Variants in CC2D2B observed in about 807,000 individuals in gnomAD.
The protein encoded by CC2D2B is protein CC2D2B.
Under a neutral mutation model 161.2 loss-of-function variants are expected in CC2D2B, and 128 were observed. That is an observed-to-expected ratio of 0.79 (90% CI 0.69 to 0.92). The LOEUF (loss-of-function observed/expected upper bound fraction) is 0.92. Among genes scored for constraint, CC2D2B ranks in the 40% least tolerant of loss-of-function variants. CC2D2B has a pLI of 0.00. For synonymous variants in CC2D2B, 391 were observed against 449.8 expected (o/e 0.87, Z 1.65); for missense variants, 1,173 against 1,375.1 (o/e 0.85, Z 2.32).
At position 96,024,856 on chromosome 10, in the gene CC2D2B, G is replaced by T; in HGVS notation, c.3892G>T (p.Glu1298Ter). 1 of 1,506,056 alleles carries T rather than the reference G, an allele frequency of 6.6e-7. No homozygotes were observed. The highest frequency in any genetic ancestry group is 1.2e-5 in the South Asian group (1 of 82,988). 93.3% of individuals were successfully genotyped at this position (1,506,056 alleles called of 1,614,324 possible). A position where few individuals can be genotyped will look rare whatever the true frequency, so the allele number is the denominator to read the frequency against. The change falls in exon 33 of 35, where the codon GAA becomes TAA. Residue 1298 changes from glutamate to a stop codon, truncating the protein, a stop_gained. Transcript: ENST00000646931. LOFTEE classifies it high-confidence loss of function. ...QGTKIQSIQPEEIIYFETDKS... is the reference protein window; with the variant it reads ...QGTKIQSIQP The stretch of plus-strand genomic sequence containing the variant: ...TAACTTTGGTTGTCTATTTCAGCCT[G>T]AAGAAATAATTTATTTTGAAACTGA...
At chr10:95,999,035 C>G (rs180802213) in intron 24 of CC2D2B, among the ~76,000 whole-genome samples, 11 of 151,980 alleles carry the variant, frequency 7.2e-5, no homozygotes, top group African/African-American at 2.4e-4. Flanking sequence ...GAACAGAGAT[C>G]GCGCCACTGC....
chr10:95,998,457 T>G (rs1046818346), intron 24 of CC2D2B, among the ~76,000 whole-genome samples: 3 of 152,174 alleles, frequency 2.0e-5, no homozygotes, highest in Non-Finnish European at 4.4e-5. Context: ...CAACCACTGA[T>G]CTTTTTACTG....
At chr10:95,962,761 T>G (rs1423303832) in intron 12 of CC2D2B, among the ~76,000 whole-genome samples, 1 of 142,268 alleles carries the variant, frequency 7.0e-6, no homozygotes, top group Non-Finnish European at 1.5e-5. Flanking sequence ...CTTGCTGCAG[T>G]AGTTTTTTTT....
rs2077159004 is a variant in CC2D2B at position 95,972,177 on chromosome 10, G to A, written c.1756G>A (p.Asp586Asn). The change falls in exon 16 of 35, where the codon GAT becomes AAT. Residue 586 changes from aspartate (D) to asparagine (N), a missense_variant. By Grantham distance (23) the Asp-to-Asn change is conservative. Around this residue, in one of 3 missense-constraint regions of CC2D2B, gnomAD observed 277 missense variants for 420.6 expected, o/e 0.66. Coordinates refer to ENST00000646931, the MANE Select transcript of CC2D2B (RefSeq NM_001349008.3). Reference protein sequence around the residue: ...TALQYVEFSSDKLVMPADGEV... With the variant: ...TALQYVEFSSNKLVMPADGEV... Reference sequence around the variant, plus strand: ...TTTGCAATATGTAGAGTTTAGCTCTGATAAGCTGGTCATGCCTGCCGATGG... The same window carrying A: ...TTTGCAATATGTAGAGTTTAGCTCTAATAAGCTGGTCATGCCTGCCGATGG... The A allele has an allele frequency of 1.6e-6, 2 of 1,232,054 alleles. No individual in the cohort carries two copies. Among genetic ancestry groups the A allele is most frequent in the African/African-American group, 1.5e-5 (1 of 64,534 alleles). 76.3% of individuals were successfully genotyped at this position (1,232,054 alleles called of 1,614,324 possible). A position where few individuals can be genotyped will look rare whatever the true frequency, so the allele number is the denominator to read the frequency against.
At chr10:95,916,458 T>G (rs989173878) in intron 2 of CC2D2B, among the ~76,000 whole-genome samples, 4 of 152,146 alleles carry the variant, frequency 2.6e-5, no homozygotes, top group African/African-American at 9.6e-5. Flanking sequence ...TTGCTCTTGC[T>G]TTTCTAGTTC....
At chr10:95,982,142 A>C (rs769923043) in intron 18 of CC2D2B, 29 bp downstream of exon 18, 347 of 1,181,756 alleles carry the variant, frequency 2.9e-4, no homozygotes, top group Non-Finnish European at 3.6e-4. Flanking sequence ...CAATACTGTA[A>C]ACATATTCTA....
chr10:95,970,803 C>T (rs2077099073), intron 15 of CC2D2B, among the ~76,000 whole-genome samples: 1 of 152,244 alleles, frequency 6.6e-6, no homozygotes, highest in South Asian at 2.1e-4. Context: ...CACAGAGCTA[C>T]AACTCCTACA....
intron 1 of CC2D2B, among the ~76,000 whole-genome samples, chr10:95,908,741 C>T (rs2098500678): frequency 1.5e-5 from 2 of 130,914 alleles, no homozygotes; most frequent in Non-Finnish European, 3.5e-5. Context: ...TAAGTATAGA[C>T]ACAGAGATAC....
chr10:95,967,752 A>G (rs2076990068), intron 14 of CC2D2B, among the ~76,000 whole-genome samples: 2 of 152,156 alleles, frequency 1.3e-5, no homozygotes. Context: ...GGTAATTGGG[A>G]ATATGGTCGA....
chr10:96,032,641 C>A lies in CC2D2B; in HGVS notation c.*633C>A. 2 of 350,486 alleles carry A rather than the reference C, an allele frequency of 5.7e-6. No individual in the cohort carries two copies. Among genetic ancestry groups the A allele is most frequent in the Non-Finnish European group, 1.2e-5 (2 of 169,268 alleles). 21.7% of individuals were successfully genotyped at this position (350,486 alleles called of 1,614,324 possible). On this transcript the variant is annotated 3_prime_UTR_variant, in exon 35 of 35. Transcript: ENST00000646931. Reference sequence around the variant, plus strand: ...GCCTCTCATGGATAAAATGTTATTTCACTGGTAAAGAAAAATAAAATAAAA... The same window carrying A: ...GCCTCTCATGGATAAAATGTTATTTAACTGGTAAAGAAAAATAAAATAAAA...
At position 96,032,433 on chromosome 10, in the gene CC2D2B, G is replaced by C. The variant is rs1205147140; in HGVS notation, c.*425G>C. 4.9e-6 allele frequency: 1 copy of C among 204,112 alleles called. No homozygotes were observed. The highest frequency in any genetic ancestry group is 1.0e-5 in the Non-Finnish European group (1 of 98,514). The allele number at this position is 204,112 out of a possible 1,614,324, so 12.6% of individuals were successfully genotyped here. On this transcript the variant is annotated 3_prime_UTR_variant, in exon 35 of 35. Coordinates refer to ENST00000646931, the MANE Select transcript of CC2D2B (RefSeq NM_001349008.3). ...CAAGACCCACTGAATCAGCACCTCT[G>C]GGAGTGAAGCTACAGACTCTGCATT...
intron 6 of CC2D2B, among the ~76,000 whole-genome samples, chr10:95,935,023 A>G (rs746506903): frequency 6.6e-6 from 1 of 152,054 alleles, no homozygotes; most frequent in African/African-American, 2.4e-5. Flanking sequence ...GGAATGTGCC[A>G]CTACACCTGG....
chr10:96,012,101 T>C (rs896372218), intron 26 of CC2D2B, 84 bp from the exon 27 acceptor site: 2 of 551,030 alleles, frequency 3.6e-6, no homozygotes, highest in Non-Finnish European at 6.5e-6. Context: ...CTTTCTGTGA[T>C]GGAGTGGACT....
intron 4 of CC2D2B, 137 bp downstream of exon 4, chr10:95,924,527 C>CTATA (rs528564666): frequency 1.7e-5 from 10 of 575,776 alleles, no homozygotes; most frequent in Non-Finnish European, 2.8e-5. Flanking sequence ...TCCTCTCTCT[C>CTATA]TCTATATATA....
intron 10 of CC2D2B, among the ~76,000 whole-genome samples, chr10:95,952,126 C>T (rs1010449637): frequency 5.9e-5 from 9 of 152,148 alleles, no homozygotes; most frequent in African/African-American, 1.9e-4. Flanking sequence ...AAATGTATGG[C>T]TTTGCCTGTT....
At chr10:96,022,335 T>C (rs2079505441) in intron 32 of CC2D2B, among the ~76,000 whole-genome samples, 1 of 151,760 alleles carries the variant, frequency 6.6e-6, no homozygotes, top group South Asian at 2.1e-4. Context: ...AAAAAAAAAG[T>C]GATGGGTTTC....
chr10:95,947,078 C>CAAAAAA lies in CC2D2B; in HGVS notation c.802-2813_802-2812insAAAAAA, dbSNP rs368168752. 7.9e-3 allele frequency among the ~76,000 whole-genome samples: 410 copies of CAAAAAA among 51,756 alleles called. 11 individuals are homozygous for CAAAAAA. The highest frequency in any genetic ancestry group is 0.026 in the African/African-American group (360 of 14,004). The allele number at this position is 51,756 out of a possible 152,430, so 34.0% of individuals were successfully genotyped here. ...GTGCATAAATTCCAAATAGTGGACTCAAAAATATATATATATATATATATA... is the reference window on the plus strand; with the variant it reads ...GTGCATAAATTCCAAATAGTGGACTCAAAAAAAAAAATATATATATATATATATATA... On this transcript the variant is annotated intron_variant, in intron 9 of 34. Transcript: ENST00000646931.
At chr10:95,968,695 G>A (rs1387482261) in intron 14 of CC2D2B, 29 bp from the exon 15 acceptor site, 8 of 995,600 alleles carry the variant, frequency 8.0e-6, no homozygotes, top group Middle Eastern at 3.6e-4. Flanking sequence ...ACTTTTTAAG[G>A]GTGATTTAAA....
At chr10:95,936,906 T>C (rs2141260348) in intron 6 of CC2D2B, among the ~76,000 whole-genome samples, 1 of 152,222 alleles carries the variant, frequency 6.6e-6, no homozygotes, top group East Asian at 1.9e-4. Flanking sequence ...TTATGAGAGC[T>C]CCAGTTGGAG....
Sources: allele counts gnomAD v4.1 joint callset (sites outside exome capture counted in the v4.1 genomes callset), GRCh38; gene constraint gnomAD v4.1.1; regional missense constraint gnomAD v4.1.1; transcripts MANE v1.5; gene names NCBI Gene and HGNC (gene_info 2026-07-23, HGNC 2026-07-21).